The following MKLN1 variants were observed in gnomAD, a reference collection of about 807,000 sequenced individuals.
The protein encoded by MKLN1 is muskelin.
In MKLN1, 18 loss-of-function variants were observed where a neutral mutation model predicts 99.0. The observed-to-expected ratio is 0.18, with a 90% CI of 0.13 to 0.27. The LOEUF (loss-of-function observed/expected upper bound fraction) is 0.27. MKLN1 is among the 10% of genes least tolerant of loss of function. The pLI is 1.00. For synonymous variants in MKLN1, 288 were observed against 293.2 expected (o/e 0.98, Z 0.18); for missense variants, 621 against 875.9 (o/e 0.71, Z 3.67).
intron 2 of MKLN1, among the ~76,000 whole-genome samples, chr7:131,193,193 G>A (rs1432307076): frequency 1.3e-5 from 2 of 152,128 alleles, no homozygotes; most frequent in Non-Finnish European, 2.9e-5. Context: ...GTCAAGGTAT[G>A]ATTCAGCAAT....
chr7:131,129,902 C>T (rs983823907), intron 1 of MKLN1, among the ~76,000 whole-genome samples: 2 of 151,910 alleles, frequency 1.3e-5, no homozygotes, highest in Non-Finnish European at 2.9e-5. Context: ...AGTATATTTT[C>T]TCAGAAAAAA....
intron 3 of MKLN1, among the ~76,000 whole-genome samples, chr7:131,275,551 ATATATATATATATATATTTTTTT>A (rs1314118433): frequency 1.9e-4 from 3 of 15,388 alleles, no homozygotes; most frequent in African/African-American, 4.3e-4. Flanking sequence ...ATATATATAT[ATATATATATATATATATTTTTTT>A]TTTTTTTTTT....
chr7:131,359,995 C>T (rs184840690), intron 1 of MKLN1, among the ~76,000 whole-genome samples: 58 of 152,170 alleles, frequency 3.8e-4, no homozygotes, highest in African/African-American at 1.0e-3. Flanking sequence ...ATGATCCACC[C>T]GCCTCGGCCT....
intron 2 of MKLN1, among the ~76,000 whole-genome samples, chr7:131,382,754 T>TA (rs1178180066): frequency 6.6e-6 from 1 of 151,798 alleles, no homozygotes; most frequent in Non-Finnish European, 1.5e-5. Context: ...GACAGGGTCT[T>TA]ACTGTGTCTC....
At chr7:131,235,705 C>T (rs1222886406) in intron 3 of MKLN1, among the ~76,000 whole-genome samples, 5 of 152,074 alleles carry the variant, frequency 3.3e-5, no homozygotes, top group Non-Finnish European at 5.9e-5. Context: ...TTTTCAGTTC[C>T]GGTATTTCTG....
intron 3 of MKLN1, among the ~76,000 whole-genome samples, chr7:131,283,382 T>TTCCTTCCTTCCC (rs1798086688): frequency 8.9e-6 from 1 of 112,320 alleles, no homozygotes. Context: ...CCTTCCTTCC[T>TTCCTTCCTTCCC]TCCTTCCTTC....
At chr7:131,325,520 A>T (rs111934163), upstream of MKLN1, among the ~76,000 whole-genome samples, 219 of 152,170 alleles carry the variant, frequency 1.4e-3, no homozygotes, top group Non-Finnish European at 2.4e-3. Flanking sequence ...ACAGAGTGAA[A>T]CCCTGTGTCT....
At chr7:131,201,338 G>A (rs1247861025) in intron 2 of MKLN1, among the ~76,000 whole-genome samples, 3 of 152,106 alleles carry the variant, frequency 2.0e-5, no homozygotes, top group Non-Finnish European at 4.4e-5. Context: ...ATTTTTTAAT[G>A]TTTGAAACTT....
intron 3 of MKLN1, among the ~76,000 whole-genome samples, chr7:131,321,240 T>C (rs1798768088): frequency 8.9e-6 from 1 of 112,836 alleles, no homozygotes; most frequent in South Asian, 2.9e-4. Context: ...CATGGAATAC[T>C]ATGCAGCTAT....
At chr7:131,305,693 T>C (rs1196398963) in intron 3 of MKLN1, among the ~76,000 whole-genome samples, 2 of 152,158 alleles carry the variant, frequency 1.3e-5, no homozygotes, top group Non-Finnish European at 2.9e-5. Context: ...GGTGGACTTA[T>C]TTGTTATATT....
At chr7:131,318,994 A>G (rs62468079) in intron 3 of MKLN1, among the ~76,000 whole-genome samples, 5,711 of 152,302 alleles carry the variant, frequency 0.037, 145 homozygotes, top group Non-Finnish European at 0.054. Flanking sequence ...AGAGAGACTG[A>G]CAGCCGAATT....
At chr7:131,457,343 G>T (rs1796376528) in intron 12 of MKLN1, among the ~76,000 whole-genome samples, 1 of 151,204 alleles carries the variant, frequency 6.6e-6, no homozygotes, top group Non-Finnish European at 1.5e-5. Context: ...AGATGTAAGA[G>T]AACACACTAG....
chr7:131,215,964 C>T (rs1248318391), intron 3 of MKLN1, among the ~76,000 whole-genome samples: 1 of 152,184 alleles, frequency 6.6e-6, no homozygotes, highest in Non-Finnish European at 1.5e-5. Flanking sequence ...CCGCTCCCCT[C>T]ACTCCATGCA....
intron 1 of MKLN1, among the ~76,000 whole-genome samples, chr7:131,347,813 C>G (rs1005068825): frequency 6.6e-6 from 1 of 152,030 alleles, no homozygotes; most frequent in Non-Finnish European, 1.5e-5. Flanking sequence ...ATTAATATTA[C>G]TAGTAAGCTT....
At chr7:131,365,764 C>T (rs1398128454) in intron 1 of MKLN1, among the ~76,000 whole-genome samples, 1 of 151,822 alleles carries the variant, frequency 6.6e-6, no homozygotes, top group Non-Finnish European at 1.5e-5. Flanking sequence ...AGGTATGTGG[C>T]CTTTATTGTA....
In MKLN1 at chr7:131,142,807, G is replaced by T. The variant is rs1584788163; in HGVS notation, c.-418-13G>T. The T allele has an allele frequency of 4.0e-6, 3 of 754,490 alleles. No homozygotes were observed. In the East Asian group the frequency reaches 2.0e-4, roughly 49 times the overall value. The allele number at this position is 754,490 out of a possible 1,614,324, so 46.7% of individuals were successfully genotyped here. A position where few individuals can be genotyped will look rare whatever the true frequency, so the allele number is the denominator to read the frequency against. ...TAGACTTCACATCTGTCCCTTGTGG[G>T]CTTCTTTTCCAGAGTTCCATATCCA... On this transcript the variant is annotated splice_polypyrimidine_tract_variant and intron_variant, in intron 1 of 7. Coordinates refer to the MKLN1 transcript ENST00000416992.
chr7:131,425,196 T>C (rs567960441), intron 8 of MKLN1, among the ~76,000 whole-genome samples: 2 of 152,326 alleles, frequency 1.3e-5, no homozygotes, highest in African/African-American at 2.4e-5. Flanking sequence ...GTAGCCAAGA[T>C]CTGCCTGACT....
chr7:131,332,085 A>C (rs1324437801), intron 1 of MKLN1, among the ~76,000 whole-genome samples: 1 of 152,036 alleles, frequency 6.6e-6, no homozygotes, highest in Non-Finnish European at 1.5e-5. Flanking sequence ...GACAACTAGA[A>C]TAGAAGGTGA....
At chr7:131,147,588 T>C (rs1795833388) in intron 2 of MKLN1, among the ~76,000 whole-genome samples, 1 of 152,196 alleles carries the variant, frequency 6.6e-6, no homozygotes, top group Non-Finnish European at 1.5e-5. Context: ...ACATTTAATC[T>C]TCTAAGGTAG....
Sources: allele counts gnomAD v4.1 joint callset (sites outside exome capture counted in the v4.1 genomes callset), GRCh38; gene constraint gnomAD v4.1.1; transcripts MANE v1.5; gene names NCBI Gene and HGNC (gene_info 2026-07-23, HGNC 2026-07-21).